Variants in THSD7A observed in about 807,000 individuals in gnomAD.
The protein encoded by THSD7A is thrombospondin type 1 domain containing 7A.
Under a neutral mutation model 231.3 loss-of-function variants are expected in THSD7A, and 96 were observed. The observed-to-expected ratio is 0.41, with a 90% CI of 0.35 to 0.49. The LOEUF (loss-of-function observed/expected upper bound fraction) is 0.49, where lower values mean the gene tolerates loss of function less well. Among genes scored for constraint, THSD7A ranks in the 20% least tolerant of loss-of-function variants. THSD7A has a pLI of 0.05. For synonymous variants in THSD7A, 940 were observed against 743.3 expected, an observed-to-expected ratio of 1.26 and a Z score of -4.30; for missense variants, 2,290 against 2,070.2, an observed-to-expected ratio of 1.11 and a Z score of -2.06.
intron 1 of THSD7A, among the ~76,000 whole-genome samples, chr7:11,639,761 T>C (rs1782009050): frequency 6.6e-6 from 1 of 152,178 alleles, no homozygotes; most frequent in African/African-American, 2.4e-5. Context: ...GTACACAAAA[T>C]GTGAATTGAC....
intron 2 of THSD7A, among the ~76,000 whole-genome samples, chr7:11,609,359 A>G (rs1442803564): frequency 2.6e-5 from 4 of 152,236 alleles, no homozygotes; most frequent in African/African-American, 9.6e-5. Flanking sequence ...ATGGGACACA[A>G]TGTAATAAAA....
At chr7:11,607,255 A>G (rs1340482924) in intron 2 of THSD7A, among the ~76,000 whole-genome samples, 2 of 152,118 alleles carry the variant, frequency 1.3e-5, no homozygotes, top group Non-Finnish European at 2.9e-5. Context: ...TGAATGGGGT[A>G]GGAGGATTTC....
chr7:11,469,691 C>T lies in THSD7A; in HGVS notation c.2368+188G>A, dbSNP rs73284747. 7.3e-3 allele frequency among the ~76,000 whole-genome samples: 1,107 copies of T among 152,244 alleles called. 9 individuals are homozygous for T. The highest frequency in any genetic ancestry group is 0.026 in the African/African-American group (1,072 of 41,556). The stretch of plus-strand genomic sequence containing the variant: ...ATTTCAAGCCAGGTTTTGGCATAAA[C>T]CTCACTTGTCTGGTATTCTAAAGCT... On this transcript the variant is annotated intron_variant, in intron 9 of 27. Coordinates refer to ENST00000423059, the MANE Select transcript of THSD7A (RefSeq NM_015204.3).
At chr7:11,786,274 A>T (rs768318161) in intron 1 of THSD7A, among the ~76,000 whole-genome samples, 13 of 151,980 alleles carry the variant, frequency 8.6e-5, no homozygotes, top group Non-Finnish European at 5.9e-5. Context: ...CAATAACTCA[A>T]CTGTACATTC....
chr7:11,547,979 A>G (rs1356388249), intron 4 of THSD7A, among the ~76,000 whole-genome samples: 1 of 152,172 alleles, frequency 6.6e-6, no homozygotes, highest in Non-Finnish European at 1.5e-5. Context: ...AGTGACACCA[A>G]AGCCAGCAGT....
chr7:11,515,902 C>A lies in THSD7A; in HGVS notation c.1822+25517G>T, dbSNP rs1214986242. ...GTGAGTTGTGACTTCATAACTGTGACTGCCCAAACTCAGTTAAAAGCCTGT... is the reference window on the plus strand; with the variant it reads ...GTGAGTTGTGACTTCATAACTGTGAATGCCCAAACTCAGTTAAAAGCCTGT... On this transcript the variant is annotated intron_variant, in intron 6 of 27. Transcript: ENST00000423059. 2.0e-5 allele frequency among the ~76,000 whole-genome samples: 3 copies of A among 152,164 alleles called. No individual in the cohort carries two copies. In the East Asian group the frequency reaches 5.8e-4, roughly 29 times the overall value.
intron 1 of THSD7A, among the ~76,000 whole-genome samples, chr7:11,746,425 C>T (rs573028862): frequency 2.6e-5 from 4 of 151,908 alleles, no homozygotes; most frequent in East Asian, 3.9e-4. Flanking sequence ...TCCAGAATCC[C>T]CCAATGCATT....
chr7:11,710,860 C>G (rs541871367), intron 1 of THSD7A, among the ~76,000 whole-genome samples: 1 of 150,960 alleles, frequency 6.6e-6, no homozygotes, highest in East Asian at 2.0e-4. Context: ...GTTCCAGGAT[C>G]TAATTACTCC....
chr7:11,655,596 T>C (rs1325104432), intron 1 of THSD7A, among the ~76,000 whole-genome samples: 1 of 151,866 alleles, frequency 6.6e-6, no homozygotes, highest in Non-Finnish European at 1.5e-5. Flanking sequence ...TTTACAATAA[T>C]GTCATAGAAC....
chr7:11,731,636 T>C (rs1781739122), intron 1 of THSD7A, among the ~76,000 whole-genome samples: 1 of 151,622 alleles, frequency 6.6e-6, no homozygotes, highest in Non-Finnish European at 1.5e-5. Flanking sequence ...AGGTTCTAAT[T>C]GCCTGATCTA....
In THSD7A at chr7:11,483,839, A is replaced by T. The variant is rs79732512; in HGVS notation, c.1823-1857T>A. On this transcript the variant is annotated intron_variant, in intron 6 of 27. Coordinates refer to ENST00000423059, the MANE Select transcript of THSD7A (RefSeq NM_015204.3). The stretch of plus-strand genomic sequence containing the variant: ...TTTATTTATCCTCTAATAGTTACCT[A>T]ATCTTTTCTATTCAGAAAAATATTT... Among the ~76,000 whole-genome samples, 32 of 152,290 alleles carry T rather than the reference A, an allele frequency of 2.1e-4. No homozygotes were observed. In the East Asian group the frequency reaches 6.2e-3, roughly 29 times the overall value.
chr7:11,655,230 TA>T (rs140857422), intron 1 of THSD7A, among the ~76,000 whole-genome samples: 9,838 of 151,884 alleles, frequency 0.065, 362 homozygotes, highest in East Asian at 0.13. Flanking sequence ...TAAATTATGA[TA>T]AAAAATATTA....
At chr7:11,442,374 T>C (rs1375106724) in intron 13 of THSD7A, among the ~76,000 whole-genome samples, 1 of 152,044 alleles carries the variant, frequency 6.6e-6, no homozygotes, top group African/African-American at 2.4e-5. Context: ...ATGAATATAA[T>C]AACTGGTAAT....
rs1239382573 is a variant in THSD7A, at chr7:11,814,209, G to A, written c.190+17548C>T. On this transcript the variant is annotated intron_variant, in intron 1 of 27. Transcript: ENST00000423059. The surrounding 1 kb of genome is among the most constrained non-coding windows in gnomAD (Gnocchi z 5.1). ...TCTTGAATTGATTGTGGTAATGGAT[G>A]CACAAGTCTGTGGATATGCTAAAAG... is the stretch of plus-strand genomic sequence containing the variant. Among the ~76,000 whole-genome samples the A allele has an allele frequency of 6.6e-6, 1 of 152,246 alleles. No homozygotes were observed. The highest frequency in any genetic ancestry group is 2.1e-4 in the South Asian group (1 of 4,820).
chr7:11,630,098 T>C (rs1781600642), intron 2 of THSD7A, among the ~76,000 whole-genome samples: 1 of 152,196 alleles, frequency 6.6e-6, no homozygotes, highest in Non-Finnish European at 1.5e-5. Context: ...TCAGCCAGCT[T>C]CACAACTGTT....
intron 4 of THSD7A, among the ~76,000 whole-genome samples, chr7:11,548,269 A>G (rs1259144258): frequency 6.6e-6 from 1 of 152,112 alleles, no homozygotes; most frequent in Non-Finnish European, 1.5e-5. Context: ...AGAAATGGAT[A>G]AATTCCTAAA....
intron 7 of THSD7A, among the ~76,000 whole-genome samples, chr7:11,476,458 C>G (rs1786186964): frequency 1.3e-5 from 2 of 151,788 alleles, no homozygotes; most frequent in African/African-American, 4.8e-5. Context: ...AATGACATTT[C>G]AATAATTAGC....
chr7:11,655,770 T>G (rs958169677), intron 1 of THSD7A, among the ~76,000 whole-genome samples: 7 of 151,928 alleles, frequency 4.6e-5, no homozygotes, highest in African/African-American at 1.4e-4. Flanking sequence ...CTCTAAATAC[T>G]CTGCTAAGTC....
At chr7:11,788,768 G>A (rs922746992) in intron 1 of THSD7A, among the ~76,000 whole-genome samples, 4 of 151,868 alleles carry the variant, frequency 2.6e-5, no homozygotes, top group Admixed American at 6.6e-5. Context: ...TTTATTATCT[G>A]TAAAATGGGG....
Sources: gnomAD v4.1 joint callset for allele counts (sites outside exome capture counted in the v4.1 genomes callset) on GRCh38, gnomAD v4.1.1 for gene constraint, Gnocchi (gnomAD v3.1) non-coding constraint, MANE v1.5 for transcripts, NCBI Gene and HGNC (gene_info 2026-07-23, HGNC 2026-07-21) for gene names.